The following DPH6 variants were observed in gnomAD, a reference collection of about 807,000 sequenced individuals.
DPH6 encodes the protein diphthine--ammonia ligase.
In DPH6, 33 loss-of-function variants were observed where a neutral mutation model predicts 38.2. The observed-to-expected ratio is 0.86, with a 90% CI of 0.65 to 1.15. DPH6 has a LOEUF of 1.15. Among genes scored for constraint, DPH6 ranks in the 50% most tolerant of loss-of-function variants. The probability of loss-of-function intolerance (pLI) is 0.00; values close to 1 mark genes in which losing one functional copy is unlikely to be tolerated. For missense variants in DPH6, 325 were observed against 320.0 expected (o/e 1.02, Z -0.12); for synonymous variants, 108 against 103.0 (o/e 1.05, Z -0.30).
intron 5 of DPH6, among the ~76,000 whole-genome samples, chr15:35,438,051 A>T (rs2053739751): frequency 6.6e-6 from 1 of 152,162 alleles, no homozygotes; most frequent in Non-Finnish European, 1.5e-5. Context: ...AAAGTTGGAT[A>T]ATAAGGGATT....
intron 3 of DPH6, among the ~76,000 whole-genome samples, chr15:35,363,630 T>C (rs66837563): frequency 0.024 from 3,688 of 152,146 alleles, 61 homozygotes; most frequent in African/African-American, 0.045. Context: ...TATTGATATA[T>C]TTGCACTTAA....
intron 3 of DPH6, among the ~76,000 whole-genome samples, chr15:35,222,154 T>TC (rs1359976858): frequency 6.6e-6 from 1 of 152,174 alleles, no homozygotes; most frequent in African/African-American, 2.4e-5. Flanking sequence ...TTTCAGACTT[T>TC]CCCCACAGCT....
chr15:35,402,358 T>G (rs2053231478), intron 6 of DPH6, among the ~76,000 whole-genome samples: 1 of 152,178 alleles, frequency 6.6e-6, no homozygotes, highest in Non-Finnish European at 1.5e-5. Context: ...TAAAAATGAT[T>G]GTTGGCACAT....
the DPH6 span, among the ~76,000 whole-genome samples, chr15:35,202,873 C>T: frequency 0.15 from 22,785 of 151,584 alleles, 2,153 homozygotes; most frequent in East Asian, 0.38. Flanking sequence ...ACAGAAATAA[C>T]GTATTTTCTC....
At chr15:35,485,727 T>C (rs1394312855) in intron 3 of DPH6, among the ~76,000 whole-genome samples, 3 of 152,338 alleles carry the variant, frequency 2.0e-5, no homozygotes, top group Admixed American at 6.5e-5. Context: ...TATTCTCACA[T>C]ACATTACCTC....
chr15:35,253,319 T>G (rs189672219), intron 3 of DPH6, among the ~76,000 whole-genome samples: 2 of 152,354 alleles, frequency 1.3e-5, no homozygotes, highest in Admixed American at 1.3e-4. Flanking sequence ...TTTTACTGCT[T>G]CCTTGGTATA....
intron 3 of DPH6, among the ~76,000 whole-genome samples, chr15:35,341,575 T>C (rs914976047): frequency 6.6e-6 from 1 of 152,176 alleles, no homozygotes; most frequent in African/African-American, 2.4e-5. Flanking sequence ...GTTGATGTTG[T>C]TTTTTCTGTT....
chr15:35,365,690 T>C (rs922961049), intron 3 of DPH6: 1 of 775,178 alleles, frequency 1.3e-6, no homozygotes, highest in Non-Finnish European at 1.6e-6. Flanking sequence ...ATTGCCCAGT[T>C]TGATTCCCAA....
At chr15:35,188,562 A>G in the DPH6 span, among the ~76,000 whole-genome samples, 1 of 152,154 alleles carries the variant, frequency 6.6e-6, no homozygotes, top group Non-Finnish European at 1.5e-5. Flanking sequence ...TTCCTGCTCT[A>G]CAGCTTTTTA....
chr15:35,273,752 A>G (rs2051838738), intron 3 of DPH6, among the ~76,000 whole-genome samples: 1 of 152,236 alleles, frequency 6.6e-6, no homozygotes, highest in Admixed American at 6.5e-5. Context: ...AGGAAATAAG[A>G]GAGGACACAA....
Position 35,371,563 on chromosome 15 carries a change from A to C in DPH6, c.*587T>G. The C allele has an allele frequency of 1.0e-6, 1 of 976,488 alleles. No individual in the cohort carries two copies. Among genetic ancestry groups the C allele is most frequent in the Non-Finnish European group, 1.2e-6 (1 of 821,828 alleles). 60.5% of individuals were successfully genotyped at this position (976,488 alleles called of 1,614,324 possible). A position where few individuals can be genotyped will look rare whatever the true frequency, so the allele number is the denominator to read the frequency against. On this transcript the variant is annotated 3_prime_UTR_variant, in exon 9 of 9. Transcript: ENST00000256538. Reference sequence around the variant, plus strand: ...TTTGTAAAAGTTTTCTAAGGTCAACATAGTTAATACTGAAAAACAGCATTT... The same window carrying C: ...TTTGTAAAAGTTTTCTAAGGTCAACCTAGTTAATACTGAAAAACAGCATTT...
rs1442661773 is a variant in DPH6, at chr15:35,397,866, TATACAC to T, written c.567+12963_567+12968del. Reference sequence around the variant, plus strand: ...AAAATAGATGGAATCAATTTATATATATACACACACACACACACACACACACACACA... The same window carrying T: ...AAAATAGATGGAATCAATTTATATATACACACACACACACACACACACACA... On this transcript the variant is annotated intron_variant, in intron 6 of 8. Transcript: ENST00000256538. 1.0e-4 allele frequency among the ~76,000 whole-genome samples: 9 copies of T among 88,826 alleles called. 1 individual carries two copies. The highest frequency in any genetic ancestry group is 4.2e-4 in the African/African-American group (9 of 21,436). The allele number at this position is 88,826 out of a possible 152,430, so 58.3% of individuals were successfully genotyped here.
chr15:35,222,137 T>C (rs1218029647), intron 3 of DPH6, among the ~76,000 whole-genome samples: 1 of 152,190 alleles, frequency 6.6e-6, no homozygotes, highest in Non-Finnish European at 1.5e-5. Flanking sequence ...ACATAATCTC[T>C]AAGAAGTTTC....
chr15:35,235,209 G>A (rs1211290860), intron 3 of DPH6, among the ~76,000 whole-genome samples: 1 of 152,132 alleles, frequency 6.6e-6, no homozygotes, highest in Admixed American at 6.5e-5. Flanking sequence ...GAGCCTGGGA[G>A]TTTTCCAATG....
chr15:35,422,827 T>C (rs2053522790), intron 5 of DPH6, among the ~76,000 whole-genome samples: 1 of 152,090 alleles, frequency 6.6e-6, no homozygotes, highest in South Asian at 2.1e-4. Flanking sequence ...TGTCTTTCTG[T>C]ATCTGGTTTA....
chr15:35,403,104 A>G (rs1026835416), intron 6 of DPH6, among the ~76,000 whole-genome samples: 1 of 152,136 alleles, frequency 6.6e-6, no homozygotes, highest in African/African-American at 2.4e-5. Flanking sequence ...TAAATAAAAT[A>G]TACACAAGTG....
At chr15:35,181,855 G>T in the DPH6 span, 1 of 152,142 alleles carries the variant, frequency 6.6e-6, no homozygotes. Context: ...ACCTATTTTT[G>T]TAAGTATTAA....
intron 3 of DPH6, among the ~76,000 whole-genome samples, chr15:35,478,406 A>AC (rs1566925048): frequency 4.2e-3 from 553 of 131,248 alleles, no homozygotes; most frequent in African/African-American, 0.016. Flanking sequence ...CACACACACA[A>AC]AGATTGTAAA....
intron 5 of DPH6, among the ~76,000 whole-genome samples, chr15:35,425,829 A>ATATATC (rs1358325652): frequency 9.0e-5 from 13 of 143,804 alleles, no homozygotes; most frequent in African/African-American, 2.8e-4. Context: ...ATATATATAT[A>ATATATC]TCTCATATAT....
Sources: allele counts gnomAD v4.1 joint callset (sites outside exome capture counted in the v4.1 genomes callset), GRCh38; gene constraint gnomAD v4.1.1; transcripts MANE v1.5; gene names NCBI Gene and HGNC (gene_info 2026-07-23, HGNC 2026-07-21).